Variants in HDAC4 observed in about 807,000 individuals in gnomAD.
HDAC4 encodes the protein histone deacetylase A.
HDAC4 carries 16 observed loss-of-function variants against 135.1 expected under a neutral mutation model. The observed-to-expected ratio is 0.12, with a 90% CI of 0.08 to 0.18. The LOEUF (loss-of-function observed/expected upper bound fraction) is 0.18, where lower values mean the gene tolerates loss of function less well. HDAC4 is among the 10% of genes least tolerant of loss of function. The pLI is 1.00. For synonymous variants in HDAC4, 685 were observed against 653.4 expected (o/e 1.05, Z -0.74); for missense variants, 1,143 against 1,511.8 (o/e 0.76, Z 4.05).
intron 2 of HDAC4, among the ~76,000 whole-genome samples, chr2:239,246,388 G>A (rs1378225349): frequency 6.6e-6 from 1 of 152,248 alleles, no homozygotes; most frequent in Non-Finnish European, 1.5e-5. Flanking sequence ...GGTTGCTGCA[G>A]GCCACAGGAC....
At chr2:239,256,561 A>G (rs1423026901) in intron 2 of HDAC4, among the ~76,000 whole-genome samples, 1 of 152,244 alleles carries the variant, frequency 6.6e-6, no homozygotes, top group Non-Finnish European at 1.5e-5. Context: ...GGCCATCTAG[A>G]AGGCTCCCTG....
At chr2:239,227,401 G>C (rs569935559) in intron 3 of HDAC4, among the ~76,000 whole-genome samples, 3 of 152,300 alleles carry the variant, frequency 2.0e-5, no homozygotes, top group African/African-American at 7.2e-5. Flanking sequence ...GAGGTCACAG[G>C]GGCTAAGCAG....
intron 2 of HDAC4, among the ~76,000 whole-genome samples, chr2:239,314,784 T>A (rs537730961): frequency 1.6e-4 from 25 of 152,272 alleles, no homozygotes; most frequent in African/African-American, 6.0e-4. Context: ...GAGGAAGATA[T>A]GCTAACACAC....
intron 17 of HDAC4, chr2:239,094,315 G>GT: frequency 6.1e-6 from 6 of 985,474 alleles, no homozygotes; most frequent in Non-Finnish European, 7.2e-6. Flanking sequence ...AAGTTTGATT[G>GT]CAAGACCTGA....
intron 2 of HDAC4, among the ~76,000 whole-genome samples, chr2:239,248,184 CT>C (rs1252789584): frequency 0.062 from 8,992 of 145,008 alleles, 395 homozygotes; most frequent in African/African-American, 0.12. Flanking sequence ...TCCTCTTGCA[CT>C]TTTTTTTTTT....
chr2:239,073,498 G>A, intron 22 of HDAC4, among the ~76,000 whole-genome samples: 1 of 152,246 alleles, frequency 6.6e-6, no homozygotes, highest in Non-Finnish European at 1.5e-5. Context: ...CGGCGTGCGA[G>A]CGTCCCTGTG....
At chr2:239,268,522 C>CT (rs1355629812) in intron 2 of HDAC4, among the ~76,000 whole-genome samples, 1 of 152,252 alleles carries the variant, frequency 6.6e-6, no homozygotes, top group African/African-American at 2.4e-5. Flanking sequence ...CAACATACTT[C>CT]TTCCCTGCTG....
rs2030690433 is a variant in HDAC4 at position 239,050,573 on chromosome 2, A to G, written c.*2524T>C. On this transcript the variant is annotated 3_prime_UTR_variant, in exon 27 of 27. Coordinates refer to ENST00000543185, the MANE Select transcript of HDAC4 (RefSeq NM_001378414.1). ...GCCTGCTCTCAAACCACTGTCTCAG[A>G]GCTGACCATCAGCAGCCCAGTGACC... The G allele has an allele frequency of 6.5e-6, 1 of 152,688 alleles. No homozygotes were observed. The highest frequency in any genetic ancestry group is 6.5e-5 in the Admixed American group (1 of 15,284). 9.5% of individuals were successfully genotyped at this position (152,688 alleles called of 1,614,324 possible).
chr2:239,172,291 AAAATATAT>A (rs2043497254), intron 5 of HDAC4, among the ~76,000 whole-genome samples: 1 of 66,672 alleles, frequency 1.5e-5, no homozygotes, highest in Non-Finnish European at 2.8e-5. Flanking sequence ...CTGGTGAAAA[AAAATATAT>A]ATATATATAT....
At chr2:239,316,696 G>A (rs1192195492) in intron 2 of HDAC4, among the ~76,000 whole-genome samples, 1 of 152,164 alleles carries the variant, frequency 6.6e-6, no homozygotes, top group Non-Finnish European at 1.5e-5. Flanking sequence ...AGGACATACT[G>A]CTAGGGAAGA....
rs143886916 is a variant in HDAC4 at position 239,302,505 on chromosome 2, G to C, written c.22+50173C>G. ...TAAGTTAGCTGAAAACCTGGGGACG[G>C]AACAGCTTCCCCCAGGAAGGAGAAT... is the stretch of plus-strand genomic sequence containing the variant. On this transcript the variant is annotated intron_variant, in intron 2 of 26. Coordinates refer to ENST00000543185, the MANE Select transcript of HDAC4 (RefSeq NM_001378414.1). Among the ~76,000 whole-genome samples the C allele has an allele frequency of 2.6e-5, 4 of 152,354 alleles. No individual in the cohort carries two copies. In the East Asian group the frequency reaches 5.8e-4, roughly 22 times the overall value.
intron 7 of HDAC4, among the ~76,000 whole-genome samples, chr2:239,149,831 T>A (rs1230888909): frequency 6.6e-6 from 1 of 152,082 alleles, no homozygotes; most frequent in Non-Finnish European, 1.5e-5. Context: ...TAGAATGAAC[T>A]GCAACACCAT....
At chr2:239,333,934 T>C (rs1049641556) in intron 2 of HDAC4, among the ~76,000 whole-genome samples, 8 of 152,170 alleles carry the variant, frequency 5.3e-5, no homozygotes, top group African/African-American at 1.4e-4. Flanking sequence ...CAATGACTGA[T>C]ATAGATGCCT....
At chr2:239,144,251 G>C (rs2041605244) in intron 8 of HDAC4, among the ~76,000 whole-genome samples, 1 of 152,162 alleles carries the variant, frequency 6.6e-6, no homozygotes, top group Non-Finnish European at 1.5e-5. Context: ...GGGTGGGACT[G>C]GTTAAGACCC....
At chr2:239,367,095 C>T (rs1694269535) in intron 1 of HDAC4, among the ~76,000 whole-genome samples, 1 of 152,204 alleles carries the variant, frequency 6.6e-6, no homozygotes, top group Non-Finnish European at 1.5e-5. Flanking sequence ...CCCAGCCACA[C>T]AGAAACCCGT....
rs774726347 is a variant in HDAC4 at position 239,134,423 on chromosome 2, G to A, written c.1116C>T (p.Asp372=). ...GPSAGTAGQQ[D]AERLTLPALQ... ...GGGCGGGAAGGGTGAGTCTCTCGGC[G>A]TCCTGCTGGCCCGCCGTGCCCTGGA... The change falls in exon 11 of 27, where the codon GAC becomes GAT. Residue 372 remains aspartate (D), a synonymous_variant. Transcript: ENST00000543185. 1.5e-5 allele frequency: 25 copies of A among 1,613,164 alleles called. No homozygotes were observed. In the East Asian group the frequency reaches 2.0e-4, roughly 13 times the overall value.
At chr2:239,089,912 G>A (rs778687674) in intron 18 of HDAC4, 97 bp downstream of exon 18, 10 of 898,018 alleles carry the variant, frequency 1.1e-5, no homozygotes, top group Non-Finnish European at 1.7e-5. Flanking sequence ...CCGCCTCCCA[G>A]CCTGATGAGA....
intron 3 of HDAC4, among the ~76,000 whole-genome samples, chr2:239,192,854 A>G (rs1233340577): frequency 6.6e-6 from 1 of 152,202 alleles, no homozygotes; most frequent in Non-Finnish European, 1.5e-5. Context: ...GAAGGCATAC[A>G]CTTGTATAAT....
At chr2:239,160,639 C>T (rs76508244) in intron 6 of HDAC4, among the ~76,000 whole-genome samples, 369 of 152,360 alleles carry the variant, frequency 2.4e-3, no homozygotes, top group African/African-American at 8.5e-3. Context: ...CAGGCGCCAG[C>T]GGTCCGTTCC....
Sources: gnomAD v4.1 joint callset for allele counts (sites outside exome capture counted in the v4.1 genomes callset) on GRCh38, gnomAD v4.1.1 for gene constraint, MANE v1.5 for transcripts, NCBI Gene and HGNC (gene_info 2026-07-23, HGNC 2026-07-21) for gene names.